The following GNG12 variants were observed in gnomAD, a reference collection of about 807,000 sequenced individuals.
The protein encoded by GNG12 is guanine nucleotide-binding protein G(I)/G(S)/G(O) subunit gamma-12.
For missense variants in GNG12, 69 were observed against 83.8 expected, an observed-to-expected ratio of 0.82 and a Z score of 0.69; for synonymous variants, 28 against 29.7, an observed-to-expected ratio of 0.94 and a Z score of 0.19.
At chr1:67,782,260 G>C (rs1206652097) in intron 1 of GNG12, among the ~76,000 whole-genome samples, 1 of 152,144 alleles carries the variant, frequency 6.6e-6, no homozygotes, top group Non-Finnish European at 1.5e-5. Flanking sequence ...TAGATGTTTG[G>C]AGGGCTACCA....
chr1:67,832,523 T>C (rs1647053164), intron 1 of GNG12: 1 of 151,962 alleles, frequency 6.6e-6, no homozygotes, highest in South Asian at 2.1e-4. Flanking sequence ...TGACAGCGTT[T>C]TAAAGTTAGC....
chr1:67,807,816 A>G (rs1646901864), intron 1 of GNG12, among the ~76,000 whole-genome samples: 1 of 152,180 alleles, frequency 6.6e-6, no homozygotes, highest in South Asian at 2.1e-4. Flanking sequence ...TGAATCAATA[A>G]TTAATAACTG....
chr1:67,720,096 G>C (rs772735341), intron 2 of GNG12, among the ~76,000 whole-genome samples: 2 of 152,196 alleles, frequency 1.3e-5, no homozygotes, highest in Non-Finnish European at 2.9e-5. Context: ...TCACTTGCTT[G>C]GTGGCCTGCA....
At chr1:67,752,245 C>T (rs1206344830) in intron 2 of GNG12, among the ~76,000 whole-genome samples, 2 of 152,172 alleles carry the variant, frequency 1.3e-5, no homozygotes, top group African/African-American at 4.8e-5. Flanking sequence ...ATTAAGTACC[C>T]CATATTCATC....
chr1:67,814,761 T>C (rs1483815769), intron 1 of GNG12, among the ~76,000 whole-genome samples: 2 of 151,064 alleles, frequency 1.3e-5, no homozygotes, highest in African/African-American at 4.8e-5. Context: ...ACTTGAGTTA[T>C]GTGTTTCTTT....
At chr1:67,801,393 A>G (rs1026870986) in intron 1 of GNG12, among the ~76,000 whole-genome samples, 1 of 152,204 alleles carries the variant, frequency 6.6e-6, no homozygotes, top group Non-Finnish European at 1.5e-5. Flanking sequence ...CATAGCTAGG[A>G]AGTGGTGGCC....
chr1:67,714,889 T>G lies in GNG12; in HGVS notation c.-26-7177A>C, dbSNP rs143712419. Among the ~76,000 whole-genome samples, 258 of 152,246 alleles carry G rather than the reference T, an allele frequency of 1.7e-3. 1 individual carries two copies. The highest frequency in any genetic ancestry group is 3.2e-3 in the Admixed American group (49 of 15,296). On this transcript the variant is annotated intron_variant, in intron 2 of 3. Coordinates refer to ENST00000370982, the MANE Select transcript of GNG12 (RefSeq NM_018841.6). ...ATAGATGGGGACAGAGAGAAGACCA[T>G]GTGAACGCAGAGGGAGAAAACGGCC... is the stretch of plus-strand genomic sequence containing the variant.
chr1:67,740,489 C>T (rs1205152966), intron 2 of GNG12, among the ~76,000 whole-genome samples: 1 of 152,258 alleles, frequency 6.6e-6, no homozygotes, highest in Non-Finnish European at 1.5e-5. Flanking sequence ...GTGATAAAGA[C>T]TGTGTAGCCC....
chr1:67,814,393 AC>A (rs1557625845), intron 1 of GNG12, among the ~76,000 whole-genome samples: 2 of 152,350 alleles, frequency 1.3e-5, no homozygotes, highest in East Asian at 3.9e-4. Context: ...GTAACAGTCA[AC>A]TAAAGGCATA....
intron 3 of GNG12, among the ~76,000 whole-genome samples, chr1:67,706,348 T>G (rs765903751): frequency 3.6e-4 from 55 of 152,156 alleles, no homozygotes; most frequent in Admixed American, 9.8e-4. Context: ...GGAGCCAAGT[T>G]GTGGAGCTTC....
intron 1 of GNG12, among the ~76,000 whole-genome samples, chr1:67,824,658 G>T (rs369407299): frequency 6.6e-6 from 1 of 152,086 alleles, no homozygotes; most frequent in Admixed American, 6.6e-5. Context: ...TATTGAAGTT[G>T]TATAAGCAAT....
chr1:67,798,846 C>T (rs1369095876), intron 1 of GNG12, among the ~76,000 whole-genome samples: 2 of 151,940 alleles, frequency 1.3e-5, no homozygotes, highest in African/African-American at 2.4e-5. Context: ...CCCAGCTACT[C>T]GGGAGGCTGA....
intron 1 of GNG12, among the ~76,000 whole-genome samples, chr1:67,802,810 C>T (rs1480846912): frequency 6.6e-6 from 1 of 152,108 alleles, no homozygotes; most frequent in Non-Finnish European, 1.5e-5. Flanking sequence ...TGGTTTCCTG[C>T]TATAGCAAAG....
chr1:67,724,046 T>C (rs1646371657), intron 2 of GNG12, among the ~76,000 whole-genome samples: 1 of 152,104 alleles, frequency 6.6e-6, no homozygotes, highest in African/African-American at 2.4e-5. Context: ...CAGAGGAATA[T>C]TTAGAAAAAT....
chr1:67,726,399 T>C (rs1646386663), intron 2 of GNG12, among the ~76,000 whole-genome samples: 1 of 152,228 alleles, frequency 6.6e-6, no homozygotes, highest in Non-Finnish European at 1.5e-5. Context: ...AAGTGACAGC[T>C]TTGTCATTCT....
rs147982755 is a variant in GNG12 at position 67,792,177 on chromosome 1, G to C, written c.-76-14670C>G. 8.0e-4 allele frequency among the ~76,000 whole-genome samples: 122 copies of C among 152,036 alleles called. 3 individuals carry two copies. In the East Asian group the frequency reaches 0.022, roughly 28 times the overall value. ...CCTGGCACTCTATTTTCTATCTATT[G>C]AATTATTCCCTCTCCTTCACTGGAA... On this transcript the variant is annotated intron_variant, in intron 1 of 3. Transcript: ENST00000370982.
chr1:67,738,814 G>C (rs1646466498), intron 2 of GNG12, among the ~76,000 whole-genome samples: 1 of 152,176 alleles, frequency 6.6e-6, no homozygotes, highest in African/African-American at 2.4e-5. Context: ...AAGAGTTCAA[G>C]GTTATAGTGA....
chr1:67,709,302 C>T (rs1646267343), intron 2 of GNG12, among the ~76,000 whole-genome samples: 1 of 152,080 alleles, frequency 6.6e-6, no homozygotes, highest in Non-Finnish European at 1.5e-5. Context: ...TTGCAGTTCC[C>T]TGTTTACCTG....
chr1:67,783,359 C>A (rs956507196), intron 1 of GNG12, among the ~76,000 whole-genome samples: 6 of 152,112 alleles, frequency 3.9e-5, no homozygotes, highest in African/African-American at 1.4e-4. Flanking sequence ...TCTCTAAATT[C>A]CTAACGGTGA....
Sources: allele counts gnomAD v4.1 joint callset (sites outside exome capture counted in the v4.1 genomes callset), GRCh38; gene constraint gnomAD v4.1.1; transcripts MANE v1.5; gene names NCBI Gene and HGNC (gene_info 2026-07-23, HGNC 2026-07-21).